The following IARS1 variants were observed in gnomAD, a reference collection of about 807,000 sequenced individuals.
The protein encoded by IARS1 is isoleucyl-tRNA synthetase 1.
IARS1 carries 124 observed loss-of-function variants against 168.2 expected under a neutral mutation model. The observed-to-expected ratio is 0.74, with a 90% confidence interval of 0.64 to 0.86. The LOEUF (loss-of-function observed/expected upper bound fraction) is 0.86, where lower values mean the gene tolerates loss of function less well. Ranked by LOEUF, IARS1 falls within the 40% of genes least tolerant of loss-of-function variation. IARS1 has a pLI of 0.00. For missense variants in IARS1, 1,452 were observed against 1,515.8 expected, an observed-to-expected ratio of 0.96 and a Z score of 0.70; for synonymous variants, 532 against 529.4, an observed-to-expected ratio of 1.00 and a Z score of -0.07.
chr9:92,243,137 C>G, intron 28 of IARS1, 79 bp downstream of exon 28: 1 of 937,250 alleles, frequency 1.1e-6, no homozygotes, highest in South Asian at 1.4e-5. Flanking sequence ...TTTATATTAC[C>G]TGCCTCTCCT....
Position 92,240,383 on chromosome 9 carries a change from C to T in IARS1, c.3283+473G>A, listed in dbSNP as rs1192481918. The T allele has an allele frequency of 1.4e-5, 5 of 347,182 alleles. No homozygotes were observed. The East Asian group carries it at 2.0e-4, about 14-fold the overall frequency. The allele number at this position is 347,182 out of a possible 1,614,324, so 21.5% of individuals were successfully genotyped here. The stretch of plus-strand genomic sequence containing the variant: ...GGTTCAAGAAATTCTCATGCCTCAG[C>T]CTCCTGAGTAGCTGGGATTATAGGT... On this transcript the variant is annotated intron_variant, in intron 30 of 33. Transcript: ENST00000443024.
chr9:92,265,352 G>T, intron 15 of IARS1, 128 bp downstream of exon 15: 1 of 912,012 alleles, frequency 1.1e-6, no homozygotes, highest in Non-Finnish European at 1.7e-6. Context: ...ACTGCAATAT[G>T]ACATGAGTCA....
rs1157639692 is a variant in IARS1, at chr9:92,271,077, C to T, written c.1114-1G>A. The T allele has an allele frequency of 1.9e-6, 3 of 1,585,292 alleles. No individual in the cohort carries two copies. The highest frequency in any genetic ancestry group is 2.2e-5 in the East Asian group (1 of 44,486). The stretch of plus-strand genomic sequence containing the variant: ...TCCTGATGATACTTTTGTCAGCATC[C>T]TATTAAAAAAAATTAAAATTTAGCC... On this transcript the variant is annotated splice_acceptor_variant, in intron 11 of 33. Transcript: ENST00000443024. LOFTEE classifies it high-confidence loss of function.
At chr9:92,288,362 T>C (rs1286959545) in intron 2 of IARS1, 80 bp from the exon 3 acceptor site, 4 of 1,179,360 alleles carry the variant, frequency 3.4e-6, no homozygotes, top group South Asian at 2.6e-5. Flanking sequence ...GCTCTTGTCA[T>C]AGTGGAGTCT....
In IARS1 at chr9:92,257,681, G is replaced by A. The variant is rs544300050; in HGVS notation, c.2017-881C>T. ...ATTAGCAGAACAACCAGAGCCCAAG[G>A]GGAGCAGAAGTAATTGACCTGCCTG... On this transcript the variant is annotated intron_variant, in intron 19 of 33. Coordinates refer to ENST00000443024, the MANE Select transcript of IARS1 (RefSeq NM_002161.6). 6.6e-5 allele frequency among the ~76,000 whole-genome samples: 10 copies of A among 152,318 alleles called. No individual in the cohort carries two copies. In the South Asian group the frequency reaches 1.7e-3, roughly 25 times the overall value.
chr9:92,291,925 T>G (rs975419138), intron 1 of IARS1, among the ~76,000 whole-genome samples: 1 of 152,180 alleles, frequency 6.6e-6, no homozygotes, highest in Non-Finnish European at 1.5e-5. Flanking sequence ...ATCACCACTC[T>G]TGCACTGTTC....
At chr9:92,265,639 T>C (rs1832183968) in intron 14 of IARS1, 86 bp from the exon 15 acceptor site, 4 of 1,019,794 alleles carry the variant, frequency 3.9e-6, no homozygotes, top group African/African-American at 1.6e-5. Flanking sequence ...CATGTTTACT[T>C]TGAGAGACTG....
chr9:92,281,801 T>G (rs1286903568), intron 6 of IARS1, among the ~76,000 whole-genome samples: 1 of 152,148 alleles, frequency 6.6e-6, no homozygotes, highest in Non-Finnish European at 1.5e-5. Context: ...ATTAGTCACA[T>G]GTAAAACATC....
intron 30 of IARS1, among the ~76,000 whole-genome samples, chr9:92,233,257 C>T (rs1379637381): frequency 1.3e-5 from 2 of 152,192 alleles, no homozygotes; most frequent in Non-Finnish European, 2.9e-5. Flanking sequence ...ATTCTAGTTA[C>T]CTTAAAATGC....
chr9:92,244,881 G>C, intron 27 of IARS1, 78 bp downstream of exon 27: 1 of 1,156,412 alleles, frequency 8.6e-7, no homozygotes, highest in Non-Finnish European at 1.3e-6. Context: ...ACATTATCAG[G>C]AAAGGCACAG....
At chr9:92,214,831 A>T (rs1050602886) in intron 33 of IARS1, among the ~76,000 whole-genome samples, 1 of 152,242 alleles carries the variant, frequency 6.6e-6, no homozygotes, top group South Asian at 2.1e-4. Context: ...GCAAGGCGGC[A>T]GCAAGGCTGG....
rs556155 is a variant in IARS1, at chr9:92,223,355, T to C, written c.3544A>G (p.Lys1182Glu). The C allele has an allele frequency of 0.16, 260,823 of 1,609,906 alleles. 22,850 individuals carry two copies. The highest frequency in any genetic ancestry group is 0.28 in the South Asian group (25,511 of 90,466). The part of the protein sequence containing the change: ...QYINLQLLNA[K>E]PQECLMGTVG... ...GTGGGGAGGCACATACCTTGTGGCTTTGCATTCAGGAGCTGTAGGTTGATA... is the reference window on the plus strand; with the variant it reads ...GTGGGGAGGCACATACCTTGTGGCTCTGCATTCAGGAGCTGTAGGTTGATA... The change falls in exon 32 of 34, where the codon AAG becomes GAG. Residue 1182 changes from lysine (K) to glutamate (E), a missense_variant. Lys to Glu is a moderately conservative substitution (Grantham distance 56). Transcript: ENST00000443024.
intron 1 of IARS1, among the ~76,000 whole-genome samples, chr9:92,289,651 A>G (rs1185840589): frequency 6.6e-6 from 1 of 152,130 alleles, no homozygotes; most frequent in Non-Finnish European, 1.5e-5. Context: ...AAACGTTTTC[A>G]ACCTCCCCTC....
At chr9:92,292,142 C>G (rs997178426) in intron 1 of IARS1, among the ~76,000 whole-genome samples, 1 of 149,368 alleles carries the variant, frequency 6.7e-6, no homozygotes, top group African/African-American at 2.5e-5. Flanking sequence ...TTTAGCCCGC[C>G]AAGTAGCTAG....
At chr9:92,217,579 T>C (rs896275404) in intron 33 of IARS1, among the ~76,000 whole-genome samples, 2 of 150,648 alleles carry the variant, frequency 1.3e-5, no homozygotes, top group Non-Finnish European at 3.0e-5. Context: ...CAATACAAAA[T>C]GATAAAGGGG....
intron 33 of IARS1, among the ~76,000 whole-genome samples, chr9:92,214,659 C>T (rs372251820): frequency 3.3e-5 from 5 of 152,162 alleles, no homozygotes; most frequent in South Asian, 2.1e-4. Context: ...AAAGGGGTGA[C>T]GGACGGCACC....
At chr9:92,260,333 G>A in intron 17 of IARS1, 99 bp from the exon 18 acceptor site, 1 of 864,764 alleles carries the variant, frequency 1.2e-6, no homozygotes, top group Non-Finnish European at 2.0e-6. Context: ...TATACAAAAT[G>A]AAATGGGAAG....
intron 26 of IARS1, among the ~76,000 whole-genome samples, chr9:92,245,716 A>G (rs1207387469): frequency 2.0e-5 from 3 of 151,870 alleles, no homozygotes; most frequent in African/African-American, 7.3e-5. Flanking sequence ...TCAGTGCAGA[A>G]CAGTACGCTC....
intron 20 of IARS1, among the ~76,000 whole-genome samples, chr9:92,254,362 A>C (rs1006825095): frequency 6.6e-6 from 1 of 152,206 alleles, no homozygotes; most frequent in Non-Finnish European, 1.5e-5. Flanking sequence ...AACACAAAAA[A>C]CAAAAAGAAT....
Sources: gnomAD v4.1 joint callset for allele counts (sites outside exome capture counted in the v4.1 genomes callset) on GRCh38, gnomAD v4.1.1 for gene constraint, MANE v1.5 for transcripts, NCBI Gene and HGNC (gene_info 2026-07-23, HGNC 2026-07-21) for gene names.